Variants in LMF1 observed in about 807,000 individuals in gnomAD.
LMF1 encodes lipase maturation factor 1.
In LMF1, 68 loss-of-function variants were observed where a neutral mutation model predicts 60.6. The ratio of observed to expected loss-of-function variants is 1.12; its 90% confidence interval spans 0.92 to 1.37. LMF1 has a LOEUF of 1.37. LMF1 is among the 40% of genes most tolerant of loss of function. LMF1 has a pLI of 0.00. For synonymous variants in LMF1, 418 were observed against 324.7 expected (o/e 1.29, Z -3.09); for missense variants, 948 against 767.2 (o/e 1.24, Z -2.78).
chr16:934,018 G>C, intron 3 of LMF1: 3 of 1,496,976 alleles, frequency 2.0e-6, no homozygotes, highest in African/African-American at 2.8e-5. Flanking sequence ...TCATGCGTGC[G>C]ACCATCCGTC....
At chr16:948,971 T>A (rs1407326961) in intron 2 of LMF1, among the ~76,000 whole-genome samples, 7 of 52,812 alleles carry the variant, frequency 1.3e-4, no homozygotes, top group Admixed American at 2.2e-4. Flanking sequence ...AACGACAGAG[T>A]CAGTCAACGA....
Position 861,151 on chromosome 16 carries a change from G to A in LMF1, c.1530-6445C>T, listed in dbSNP as rs192709464. 1.4e-3 allele frequency among the ~76,000 whole-genome samples: 214 copies of A among 152,176 alleles called. 1 individual carries two copies. The highest frequency in any genetic ancestry group is 4.8e-3 in the African/African-American group (201 of 41,534). On this transcript the variant is annotated intron_variant, in intron 10 of 10. Transcript: ENST00000262301. ...TGTGCTGACGTCTTTCAGCAGCATT[G>A]CTGAGTTTTCAGCATGTAAGTTCTG...
chr16:856,893 C>T (rs1438668586), intron 10 of LMF1, among the ~76,000 whole-genome samples: 6 of 152,252 alleles, frequency 3.9e-5, no homozygotes, highest in Non-Finnish European at 8.8e-5. Flanking sequence ...GGATTGCAGC[C>T]AGGGCCTGAC....
intron 3 of LMF1, among the ~76,000 whole-genome samples, chr16:929,446 G>A (rs1249907999): frequency 6.6e-6 from 1 of 152,210 alleles, no homozygotes; most frequent in East Asian, 1.9e-4. Flanking sequence ...GGAGGGTGCC[G>A]GCAAAGGCGG....
intron 2 of LMF1, among the ~76,000 whole-genome samples, chr16:938,369 G>C (rs1293011570): frequency 4.6e-5 from 7 of 151,924 alleles, no homozygotes; most frequent in Non-Finnish European, 1.5e-5. Flanking sequence ...GCGGCTCACA[G>C]GGAAGGCAGG....
chr16:862,156 A>G (rs1011827509), intron 10 of LMF1, among the ~76,000 whole-genome samples: 1 of 150,678 alleles, frequency 6.6e-6, no homozygotes, highest in Non-Finnish European at 1.5e-5. Flanking sequence ...TTTGTTATAT[A>G]TTGGCAAATT....
chr16:916,903 G>T (rs2071293870), intron 3 of LMF1, among the ~76,000 whole-genome samples: 1 of 152,140 alleles, frequency 6.6e-6, no homozygotes, highest in Non-Finnish European at 1.5e-5. Flanking sequence ...TTGAGCTCCG[G>T]GTCTGTTATG....
upstream of LMF1, among the ~76,000 whole-genome samples, chr16:973,730 G>A (rs373294020): frequency 3.9e-5 from 6 of 152,206 alleles, no homozygotes; most frequent in East Asian, 1.9e-4. Context: ...GCCGGGCACC[G>A]GGGCTCACGC....
intron 3 of LMF1, 65 bp downstream of exon 3, chr16:934,179 A>AAGATACAT: frequency 2.5e-6 from 4 of 1,598,976 alleles, no homozygotes; most frequent in Non-Finnish European, 3.4e-6. Context: ...AAAGTGCGTG[A>AAGATACAT]AGATACATAC....
At chr16:972,591 G>A (rs1005747069), upstream of LMF1, among the ~76,000 whole-genome samples, 1 of 152,222 alleles carries the variant, frequency 6.6e-6, no homozygotes, top group African/African-American at 2.4e-5. Flanking sequence ...CTGTCTGGGT[G>A]CCAGGCCTGC....
At chr16:862,218 G>T (rs555211295) in intron 10 of LMF1, among the ~76,000 whole-genome samples, 23 of 149,178 alleles carry the variant, frequency 1.5e-4, no homozygotes, top group African/African-American at 5.5e-4. Flanking sequence ...CTCTGTTGCC[G>T]AGGCTGGAGT....
intron 4 of LMF1, among the ~76,000 whole-genome samples, chr16:905,968 C>G (rs985302849): frequency 6.6e-6 from 1 of 152,158 alleles, no homozygotes; most frequent in Non-Finnish European, 1.5e-5. Flanking sequence ...CCTATCATAA[C>G]ATTACAAAAT....
In LMF1 at chr16:868,975, G is replaced by A. The variant is rs2069692885; in HGVS notation, c.1498C>T (p.His500Tyr). The A allele has an allele frequency of 6.2e-7, 1 of 1,612,180 alleles. No homozygotes were observed. Among genetic ancestry groups the A allele is most frequent in the Non-Finnish European group, 8.5e-7 (1 of 1,179,584 alleles). Residue 500 changes from histidine (H) to tyrosine (Y), a missense_variant, in exon 10 of 11, where the codon CAC becomes TAC. By Grantham distance (83) the His-to-Tyr change is moderately conservative. Transcript: ENST00000262301. ...GGGGGCCTGCCCGCGAAGGGGTTGT[G>A]TGCCAGCAGGGACAAGGCCTCGGCG... ...SDAEALSLLA[H>Y]NPFAGRPPPR...
rs1282150599 is a variant in LMF1 at position 863,584 on chromosome 16, C to A, written c.1529+5360G>T. 1.1e-4 allele frequency among the ~76,000 whole-genome samples: 16 copies of A among 152,140 alleles called. 1 individual carries two copies. The highest frequency in any genetic ancestry group is 1.2e-4 in the Non-Finnish European group (8 of 68,022). ...TATTGTTTGTTTTCAGTTTCATTTT[C>A]TGCTTTTTACTATTTTCTTACTGCT... is the stretch of plus-strand genomic sequence containing the variant. On this transcript the variant is annotated intron_variant, in intron 10 of 10. Transcript: ENST00000262301.
intron 4 of LMF1, chr16:899,640 C>G (rs1320840509): frequency 6.6e-6 from 1 of 152,266 alleles, no homozygotes; most frequent in Non-Finnish European, 1.5e-5. Flanking sequence ...CTGTGGACTT[C>G]AAAGTCAGGT....
At chr16:877,731 G>A (rs1047824284) in intron 6 of LMF1, among the ~76,000 whole-genome samples, 3 of 152,124 alleles carry the variant, frequency 2.0e-5, no homozygotes, top group East Asian at 1.9e-4. Flanking sequence ...GACAGCACTC[G>A]AGCCCGCCCA....
At chr16:974,304 C>T (rs1345369904), upstream of LMF1, among the ~76,000 whole-genome samples, 1 of 152,190 alleles carries the variant, frequency 6.6e-6, no homozygotes, top group Non-Finnish European at 1.5e-5. Flanking sequence ...CCCTGCAGCT[C>T]AGTGTCCTGT....
chr16:924,307 A>T (rs1190990067), intron 3 of LMF1, among the ~76,000 whole-genome samples: 3 of 152,238 alleles, frequency 2.0e-5, no homozygotes, highest in Non-Finnish European at 4.4e-5. Flanking sequence ...AAGTGATAAA[A>T]GGGTTGTCTG....
intron 6 of LMF1, among the ~76,000 whole-genome samples, chr16:876,955 C>T (rs996130345): frequency 2.0e-5 from 3 of 152,190 alleles, no homozygotes; most frequent in East Asian, 1.9e-4. Flanking sequence ...TTGAGATATA[C>T]GGGCCTGTTA....
Sources: allele counts gnomAD v4.1 joint callset (sites outside exome capture counted in the v4.1 genomes callset), GRCh38; gene constraint gnomAD v4.1.1; transcripts MANE v1.5; gene names NCBI Gene and HGNC (gene_info 2026-07-23, HGNC 2026-07-21).